The following B4GALNT2 variants were observed in gnomAD, a reference collection of about 807,000 sequenced individuals.
B4GALNT2 encodes the protein N-acetylneuraminylgalactosylglucosyl-glucoside beta-1,4-N- acetylgalactosaminyltransferase 2.
Under a neutral mutation model 51.1 loss-of-function variants are expected in B4GALNT2, and 42 were observed. The ratio of observed to expected loss-of-function variants is 0.82; its 90% CI spans 0.64 to 1.06. B4GALNT2 has a LOEUF of 1.06. Ranked by LOEUF, B4GALNT2 falls within the 50% of genes least tolerant of loss-of-function variation. The pLI is 0.00. For missense variants in B4GALNT2, 602 were observed against 633.6 expected, an observed-to-expected ratio of 0.95 and a Z score of 0.54; for synonymous variants, 253 against 251.7, an observed-to-expected ratio of 1.01 and a Z score of -0.05.
At chr17:49,124,952 T>A in the B4GALNT2 span, among the ~76,000 whole-genome samples, 1 of 152,216 alleles carries the variant, frequency 6.6e-6, no homozygotes, top group Non-Finnish European at 1.5e-5. Flanking sequence ...TTCCAAAAAT[T>A]GCTTAAACCT....
intron 7 of B4GALNT2, among the ~76,000 whole-genome samples, chr17:49,162,552 C>G (rs2042874275): frequency 6.6e-6 from 1 of 152,060 alleles, no homozygotes. Flanking sequence ...AGAAATTATC[C>G]TACAGATATT....
Position 49,171,272 on chromosome 17 carries a change from TA to T in B4GALNT2, c.*1548del. 1 of 331,304 alleles carries T rather than the reference TA, an allele frequency of 3.0e-6. No homozygotes were observed. Among genetic ancestry groups the T allele is most frequent in the Non-Finnish European group, 5.7e-6 (1 of 175,498 alleles). The allele number at this position is 331,304 out of a possible 1,614,324, so 20.5% of individuals were successfully genotyped here. ...CTATACAAAGACAAACAACACAGAT[TA>T]AAAGCACAATCATCATTGAAATCAC... On this transcript the variant is annotated 3_prime_UTR_variant, in exon 11 of 11. Transcript: ENST00000393354.
intron 7 of B4GALNT2, 45 bp downstream of exon 7, chr17:49,160,686 G>A: frequency 1.3e-6 from 2 of 1,543,640 alleles, no homozygotes; most frequent in Non-Finnish European, 1.8e-6. Context: ...ACCCTGTGAA[G>A]CTATTGGTGA....
chr17:49,160,711 C>A, intron 7 of B4GALNT2, 70 bp downstream of exon 7: 1 of 1,381,926 alleles, frequency 7.2e-7, no homozygotes, highest in Non-Finnish European at 1.0e-6. Flanking sequence ...CAGAAGGGAT[C>A]ACCTCTGAGA....
chr17:49,161,606 A>G (rs1294943810), intron 7 of B4GALNT2, among the ~76,000 whole-genome samples: 1 of 152,054 alleles, frequency 6.6e-6, no homozygotes, highest in Non-Finnish European at 1.5e-5. Flanking sequence ...TAGAAGTAAA[A>G]CTTGAATATA....
At chr17:49,126,721 T>C in the B4GALNT2 span, among the ~76,000 whole-genome samples, 7 of 147,966 alleles carry the variant, frequency 4.7e-5, no homozygotes, top group Non-Finnish European at 3.0e-5. Flanking sequence ...GTTATATTGG[T>C]GCAATCTCGG....
Position 49,152,823 on chromosome 17 carries a change from C to T in B4GALNT2, c.377C>T (p.Pro126Leu), listed in dbSNP as rs1372507651. The T allele has an allele frequency of 2.5e-6, 4 of 1,608,016 alleles. No individual in the cohort carries two copies. Among genetic ancestry groups the T allele is most frequent in the East Asian group, 4.5e-5 (2 of 44,634 alleles). The change falls in exon 4 of 11, where the codon CCC becomes CTC. Residue 126 changes from proline (P) to leucine (L), a missense_variant. By Grantham distance (98) the Pro-to-Leu change is moderately conservative. Transcript: ENST00000393354. ...QRREGLPRPL[P>L]LLVQPNLPFG... ...AGAGAAGGGCTGCCCCGCCCACTGC[C>T]CCTGCTGGTCCAGCCCAACCTCCCC...
intron 3 of B4GALNT2, 36 bp from the exon 4 acceptor site, chr17:49,152,764 G>A: frequency 6.9e-7 from 1 of 1,440,020 alleles, no homozygotes. Flanking sequence ...ACCAGCATCA[G>A]GGCAGCTGCT....
In B4GALNT2 at chr17:49,173,391, C is replaced by T. The variant is rs887993314; in HGVS notation, c.*3663C>T. 2 of 152,158 alleles carry T rather than the reference C, an allele frequency of 1.3e-5. No homozygotes were observed. Among genetic ancestry groups the T allele is most frequent in the African/African-American group, 4.8e-5 (2 of 41,424 alleles). The allele number at this position is 152,158 out of a possible 1,614,324, so 9.4% of individuals were successfully genotyped here. ...ACTGAAGTATAGGGCATCTGAAGCC[C>T]TTACTTTTCAAGCCAGAGTTAGAAG... On this transcript the variant is annotated 3_prime_UTR_variant, in exon 11 of 11. Coordinates refer to ENST00000393354, the MANE Select transcript of B4GALNT2 (RefSeq NM_001159387.2).
In B4GALNT2 at chr17:49,169,609, G is replaced by A; in HGVS notation, c.1402G>A (p.Asp468Asn). 2 of 1,613,306 alleles carry A rather than the reference G, an allele frequency of 1.2e-6. No individual in the cohort carries two copies. Among genetic ancestry groups the A allele is most frequent in the Non-Finnish European group, 1.7e-6 (2 of 1,179,964 alleles). The change falls in exon 11 of 11, where the codon GAC (aspartate) becomes AAC (asparagine). Residue 468 changes from aspartate (D) to asparagine (N), a missense_variant. By Grantham distance (23) the Asp-to-Asn change is conservative. Transcript: ENST00000393354. The part of the protein sequence containing the change: ...IGHQSRSPVV[D>N]SELAALEKTY... Reference sequence around the variant, plus strand: ...TCACCAGTCTCGGTCTCCAGTGGTGGACTCAGAACTGGCTGCCCTAGAGAA... The same window carrying A: ...TCACCAGTCTCGGTCTCCAGTGGTGAACTCAGAACTGGCTGCCCTAGAGAA...
chr17:49,166,885 C>G (rs2042915902), intron 9 of B4GALNT2, among the ~76,000 whole-genome samples: 1 of 152,158 alleles, frequency 6.6e-6, no homozygotes, highest in South Asian at 2.1e-4. Flanking sequence ...GGGAGGATCA[C>G]CTGAGCCCAG....
chr17:49,155,132 A>C (rs1246028653), intron 4 of B4GALNT2, among the ~76,000 whole-genome samples: 1 of 151,590 alleles, frequency 6.6e-6, no homozygotes, highest in Non-Finnish European at 1.5e-5. Context: ...AACATAGTGA[A>C]ACCTTGTCTC....
intron 3 of B4GALNT2, chr17:49,148,661 C>T (rs1178964263): frequency 1.1e-5 from 6 of 568,020 alleles, no homozygotes; most frequent in East Asian, 9.7e-5. Context: ...TGAGAGACTG[C>T]ACAACCTTCA....
intron 4 of B4GALNT2, among the ~76,000 whole-genome samples, chr17:49,154,521 C>A (rs1598208759): frequency 6.6e-6 from 1 of 151,354 alleles, no homozygotes; most frequent in Non-Finnish European, 1.5e-5. Context: ...TGCTTGTGGG[C>A]TCATGGCTTC....
rs146256204 is a variant in B4GALNT2 at position 49,169,652 on chromosome 17, G to T, written c.1445G>T (p.Arg482Leu). The change falls in exon 11 of 11, where the codon CGG (arginine) becomes CTG (leucine). Residue 482 changes from arginine to leucine, a missense_variant. Physicochemically the swap from Arg to Leu is moderately radical, Grantham distance 102. Coordinates refer to ENST00000393354, the MANE Select transcript of B4GALNT2 (RefSeq NM_001159387.2). Reference sequence around the variant, plus strand: ...CTAGAGAAGACCTACAATACATACCGGTCCAACACCCTCACCCGGGTCCAG... The same window carrying T: ...CTAGAGAAGACCTACAATACATACCTGTCCAACACCCTCACCCGGGTCCAG... ...AALEKTYNTY[R>L]SNTLTRVQFK... 6.2e-7 allele frequency: 1 copy of T among 1,611,124 alleles called. No homozygotes were observed. Among genetic ancestry groups the T allele is most frequent in the Non-Finnish European group, 8.5e-7 (1 of 1,178,176 alleles).
intron 1 of B4GALNT2, among the ~76,000 whole-genome samples, chr17:49,138,401 G>A (rs2042609434): frequency 6.6e-6 from 1 of 152,156 alleles, no homozygotes. Flanking sequence ...GTGTTATGTT[G>A]TTAATTTGAA....
chr17:49,135,346 C>CTT (rs112479042), intron 1 of B4GALNT2, among the ~76,000 whole-genome samples: 5 of 143,202 alleles, frequency 3.5e-5, no homozygotes, highest in Admixed American at 1.4e-4. Context: ...AGCTATCCTT[C>CTT]TTTTTTTTTT....
intron 3 of B4GALNT2, chr17:49,148,682 G>A (rs1036487187): frequency 9.4e-5 from 53 of 562,470 alleles, no homozygotes; most frequent in Non-Finnish European, 1.7e-4. Context: ...TGACATGAAG[G>A]TCGGGCACCT....
chr17:49,130,173 C>T (rs1312024611), upstream of B4GALNT2, among the ~76,000 whole-genome samples: 4 of 152,244 alleles, frequency 2.6e-5, no homozygotes, highest in Non-Finnish European at 1.5e-5. Flanking sequence ...CCAATCACAA[C>T]ACTAATGTGA....
Sources: gnomAD v4.1 joint callset for allele counts (sites outside exome capture counted in the v4.1 genomes callset) on GRCh38, gnomAD v4.1.1 for gene constraint, MANE v1.5 for transcripts, NCBI Gene and HGNC (gene_info 2026-07-23, HGNC 2026-07-21) for gene names.